The following CA10 variants were observed in gnomAD, a reference collection of about 807,000 sequenced individuals.
The protein encoded by CA10 is carbonic anhydrase 10 (inactive), also known as carbonic anhydrase-related protein 10.
In CA10, 14 loss-of-function variants were observed where a neutral mutation model predicts 44.2. The observed-to-expected ratio is 0.32, with a 90% CI of 0.21 to 0.50. The LOEUF is 0.50. CA10 is among the 20% of genes least tolerant of loss of function. The pLI is 0.99. For missense variants in CA10, 350 were observed against 409.7 expected, an observed-to-expected ratio of 0.85 and a Z score of 1.26; for synonymous variants, 159 against 141.6, an observed-to-expected ratio of 1.12 and a Z score of -0.87.
At chr17:51,818,849 G>A (rs573926329) in intron 3 of CA10, among the ~76,000 whole-genome samples, 3 of 152,224 alleles carry the variant, frequency 2.0e-5, no homozygotes, top group South Asian at 2.1e-4. Context: ...CTTACCTCAC[G>A]GGTGTCAAGA....
chr17:52,032,244 C>G (rs1321989720), intron 2 of CA10, among the ~76,000 whole-genome samples: 1 of 152,130 alleles, frequency 6.6e-6, no homozygotes, highest in Non-Finnish European at 1.5e-5. Context: ...AGCAGATGAA[C>G]TAGTATTTCC....
At chr17:51,676,938 C>G (rs1196034982) in intron 4 of CA10, among the ~76,000 whole-genome samples, 1 of 152,156 alleles carries the variant, frequency 6.6e-6, no homozygotes, top group Non-Finnish European at 1.5e-5. Context: ...TCCATGGCCA[C>G]AGAGTAGCCC....
intron 3 of CA10, among the ~76,000 whole-genome samples, chr17:51,839,935 A>G (rs1015643992): frequency 3.3e-5 from 5 of 152,224 alleles, no homozygotes; most frequent in African/African-American, 9.6e-5. Context: ...CTTCTATTGT[A>G]TCATTTATTC....
At chr17:51,717,836 T>C (rs1403141571) in intron 4 of CA10, among the ~76,000 whole-genome samples, 2 of 53,888 alleles carry the variant, frequency 3.7e-5, no homozygotes, top group African/African-American at 1.5e-4. Context: ...TGTGTATATA[T>C]ATATATATAT....
At chr17:52,090,711 G>GT (rs1032733079) in intron 1 of CA10, among the ~76,000 whole-genome samples, 9 of 152,176 alleles carry the variant, frequency 5.9e-5, no homozygotes, top group African/African-American at 2.2e-4. Context: ...AAACCTAAGG[G>GT]TTTTTTATGC....
At chr17:51,944,049 G>A (rs116625037) in intron 2 of CA10, among the ~76,000 whole-genome samples, 219 of 152,050 alleles carry the variant, frequency 1.4e-3, no homozygotes, top group African/African-American at 5.0e-3. Flanking sequence ...CTAATTCTTC[G>A]TCCACCAAAC....
chr17:52,056,414 G>T (rs1987232749), intron 2 of CA10, among the ~76,000 whole-genome samples: 1 of 152,080 alleles, frequency 6.6e-6, no homozygotes, highest in Non-Finnish European at 1.5e-5. Context: ...CCTCAGCCAT[G>T]ATCATCAAAA....
chr17:51,830,444 C>A (rs779613112), intron 3 of CA10, among the ~76,000 whole-genome samples: 5 of 151,846 alleles, frequency 3.3e-5, no homozygotes, highest in Non-Finnish European at 7.4e-5. Context: ...CAAACAATTT[C>A]TGAGATCCAT....
intron 3 of CA10, among the ~76,000 whole-genome samples, chr17:51,888,264 A>T (rs1015360033): frequency 1.3e-5 from 2 of 152,166 alleles, no homozygotes; most frequent in African/African-American, 4.8e-5. Context: ...AAAAAAGAAA[A>T]GATACACAAA....
intron 2 of CA10, among the ~76,000 whole-genome samples, chr17:51,938,346 C>T (rs769502157): frequency 9.9e-5 from 15 of 152,004 alleles, no homozygotes; most frequent in Non-Finnish European, 4.4e-5. Flanking sequence ...CAGAAACAGT[C>T]GAGGGTGAAG....
chr17:51,922,380 T>C lies in CA10; in HGVS notation c.279+8610A>G, dbSNP rs193153474. 8.1e-4 allele frequency among the ~76,000 whole-genome samples: 124 copies of C among 152,312 alleles called. 1 individual carries two copies. In the East Asian group the frequency reaches 0.018, roughly 22 times the overall value. ...TCTCACATCTGGTCATCCATGGCCA[T>C]GTATTCTCTCCCAAATGGAGGTATA... On this transcript the variant is annotated intron_variant, in intron 3 of 8. Coordinates refer to ENST00000451037, the MANE Select transcript of CA10 (RefSeq NM_020178.5).
Position 51,831,733 on chromosome 17 carries a change from A to AGCAGCAGCAGCAGCAGCAGCAGC in CA10, c.280-83916_280-83915insGCTGCTGCTGCTGCTGCTGCTGC, listed in dbSNP as rs1567854687. Among the ~76,000 whole-genome samples, 59 of 121,576 alleles carry AGCAGCAGCAGCAGCAGCAGCAGC rather than the reference A, an allele frequency of 4.9e-4. 5 individuals are homozygous for AGCAGCAGCAGCAGCAGCAGCAGC. The highest frequency in any genetic ancestry group is 4.2e-3 in the Middle Eastern group (1 of 238). 79.8% of individuals were successfully genotyped at this position (121,576 alleles called of 152,430 possible). Reference sequence around the variant, plus strand: ...GCAGCAGCAGCAGCAGCAGCAGCAGAAAAAGACCTTCCTTCCACCTTATTT... The same window carrying AGCAGCAGCAGCAGCAGCAGCAGC: ...GCAGCAGCAGCAGCAGCAGCAGCAGAGCAGCAGCAGCAGCAGCAGCAGCAAAAGACCTTCCTTCCACCTTATTT... On this transcript the variant is annotated intron_variant, in intron 3 of 8. Coordinates refer to ENST00000451037, the MANE Select transcript of CA10 (RefSeq NM_020178.5).
chr17:51,854,403 G>C (rs1978943812), intron 3 of CA10, among the ~76,000 whole-genome samples: 1 of 152,190 alleles, frequency 6.6e-6, no homozygotes, highest in Non-Finnish European at 1.5e-5. Context: ...CCAGGGAAGA[G>C]TGAAATGCAT....
chr17:51,670,344 T>C (rs1567796860), intron 4 of CA10, among the ~76,000 whole-genome samples: 2 of 152,136 alleles, frequency 1.3e-5, no homozygotes, highest in South Asian at 2.1e-4. Flanking sequence ...ATTTACCAGA[T>C]GGGGAAACTG....
At chr17:52,036,290 A>G (rs1014706485) in intron 2 of CA10, among the ~76,000 whole-genome samples, 1 of 152,210 alleles carries the variant, frequency 6.6e-6, no homozygotes, top group African/African-American at 2.4e-5. Context: ...AATCTTGTTT[A>G]TTTTAAAATA....
chr17:52,125,343 G>A (rs955609017), intron 1 of CA10, among the ~76,000 whole-genome samples: 9 of 152,124 alleles, frequency 5.9e-5, no homozygotes, highest in East Asian at 3.9e-4. Context: ...CTTGACAGCC[G>A]GCTGGTTGGT....
intron 2 of CA10, among the ~76,000 whole-genome samples, chr17:52,063,928 T>C (rs1320918158): frequency 6.6e-6 from 1 of 152,196 alleles, no homozygotes; most frequent in Non-Finnish European, 1.5e-5. Context: ...TTCACTTCCT[T>C]GAGTAGACTG....
intron 2 of CA10, among the ~76,000 whole-genome samples, chr17:51,973,654 C>T (rs775834815): frequency 1.3e-4 from 20 of 152,168 alleles, no homozygotes; most frequent in Non-Finnish European, 1.8e-4. Flanking sequence ...TAGGGATACA[C>T]GAGCCTTAAA....
intron 4 of CA10, among the ~76,000 whole-genome samples, chr17:51,681,545 C>T (rs762575505): frequency 3.3e-5 from 5 of 152,110 alleles, no homozygotes; most frequent in African/African-American, 4.8e-5. Context: ...TGGCCTCTAC[C>T]CACTAGAGAC....
Sources: gnomAD v4.1 joint callset for allele counts (sites outside exome capture counted in the v4.1 genomes callset) on GRCh38, gnomAD v4.1.1 for gene constraint, MANE v1.5 for transcripts, NCBI Gene and HGNC (gene_info 2026-07-23, HGNC 2026-07-21) for gene names.